LRRC8D: variants seen among roughly 807,000 people sequenced by gnomAD.
LRRC8D encodes leucine rich repeat containing 8 VRAC subunit D, also known as volume-regulated anion channel subunit LRRC8D.
Under a neutral mutation model 55.8 loss-of-function variants are expected in LRRC8D, and 20 were observed. That is an observed-to-expected ratio of 0.36 (90% CI 0.25 to 0.52). The LOEUF (loss-of-function observed/expected upper bound fraction) is 0.52. Ranked by LOEUF, LRRC8D falls within the 20% of genes least tolerant of loss-of-function variation. LRRC8D has a pLI of 0.93. For synonymous variants in LRRC8D, 352 were observed against 377.0 expected (o/e 0.93, Z 0.77); for missense variants, 651 against 1,030.8 (o/e 0.63, Z 5.05).
rs373000600 is a variant in LRRC8D, at chr1:89,863,501, T to C, written c.-3+19719T>C. The stretch of plus-strand genomic sequence containing the variant: ...TGGAATATTAATAAACTTATGTCCC[T>C]CACTTTCAAGATGCTGAAAATGATT... On this transcript the variant is annotated intron_variant, in intron 2 of 2. Transcript: ENST00000337338. 1.1e-4 allele frequency among the ~76,000 whole-genome samples: 16 copies of C among 152,286 alleles called. 1 individual carries two copies. The highest frequency in any genetic ancestry group is 3.9e-4 in the Admixed American group (6 of 15,292).
At chr1:89,860,785 A>AAATATATATAT (rs1553123917) in intron 2 of LRRC8D, among the ~76,000 whole-genome samples, 17 of 28,194 alleles carry the variant, frequency 6.0e-4, no homozygotes, top group Non-Finnish European at 1.2e-3. Flanking sequence ...AAAAAAAAAA[A>AAATATATATAT]ATATATATAT....
At chr1:89,868,673 C>T (rs1312007749) in intron 2 of LRRC8D, among the ~76,000 whole-genome samples, 1 of 152,190 alleles carries the variant, frequency 6.6e-6, no homozygotes, top group Non-Finnish European at 1.5e-5. Context: ...TGATCCTACT[C>T]TTATTCCTGT....
intron 2 of LRRC8D, among the ~76,000 whole-genome samples, chr1:89,852,220 C>G (rs770005110): frequency 3.9e-5 from 6 of 152,166 alleles, no homozygotes; most frequent in African/African-American, 7.2e-5. Context: ...GATTTATTAG[C>G]TATTCTCTTG....
intron 2 of LRRC8D, among the ~76,000 whole-genome samples, chr1:89,868,770 A>G (rs1181606311): frequency 1.3e-5 from 2 of 152,214 alleles, no homozygotes; most frequent in Non-Finnish European, 2.9e-5. Flanking sequence ...GGAGGATTCT[A>G]GGCTTCTGGT....
intron 2 of LRRC8D, among the ~76,000 whole-genome samples, chr1:89,932,612 AGT>A (rs1663740531): frequency 6.6e-6 from 1 of 152,258 alleles, no homozygotes; most frequent in Non-Finnish European, 1.5e-5. Flanking sequence ...ACCATTAGTA[AGT>A]GTTAGAACTA....
At chr1:89,864,800 C>T (rs527396159) in intron 2 of LRRC8D, among the ~76,000 whole-genome samples, 5 of 152,266 alleles carry the variant, frequency 3.3e-5, no homozygotes, top group Admixed American at 6.5e-5. Flanking sequence ...TACCTACCCC[C>T]GACCCCTCAC....
At chr1:89,883,388 T>C (rs139171801) in intron 2 of LRRC8D, among the ~76,000 whole-genome samples, 6 of 152,290 alleles carry the variant, frequency 3.9e-5, no homozygotes, top group Admixed American at 3.9e-4. Flanking sequence ...AATAGGATTT[T>C]ATTTTTGAGA....
At chr1:89,873,538 G>A (rs929968619) in intron 2 of LRRC8D, among the ~76,000 whole-genome samples, 2 of 152,144 alleles carry the variant, frequency 1.3e-5, no homozygotes, top group African/African-American at 4.8e-5. Flanking sequence ...TGTCCAGATG[G>A]ACTGACTATA....
chr1:89,883,880 T>C lies in LRRC8D; in HGVS notation c.-3+40098T>C, dbSNP rs545995402. Among the ~76,000 whole-genome samples, 11 of 152,284 alleles carry C rather than the reference T, an allele frequency of 7.2e-5. No individual in the cohort carries two copies. The South Asian group carries it at 2.3e-3, about 32-fold the overall frequency. On this transcript the variant is annotated intron_variant, in intron 2 of 2. Transcript: ENST00000337338. ...CTGTGAATCTGTCAGTGGAGAAACA[T>C]AGGGACTTTAGAAAAGCTGGGTGCT...
Position 89,934,349 on chromosome 1 carries a change from C to A in LRRC8D, c.1281C>A (p.Asp427Glu). ...AFLLHMVDQYDQLYSKRFGVF... is the reference protein window; with the variant it reads ...AFLLHMVDQYEQLYSKRFGVF... ...TTCTTCACATGGTAGACCAGTATGA[C>A]CAGCTATATTCCAAGCGTTTTGGTG... The change falls in exon 3 of 3, where the codon GAC becomes GAA. Residue 427 changes from aspartate (D) to glutamate (E), a missense_variant. Around this residue, in one of 5 missense-constraint regions of LRRC8D, gnomAD observed 178 missense variants for 374.9 expected, o/e 0.47. Transcript: ENST00000337338. The surrounding 1 kb of genome is among the most constrained non-coding windows in gnomAD (Gnocchi z 5.9). 1.2e-6 allele frequency: 2 copies of A among 1,613,780 alleles called. No individual in the cohort carries two copies. The highest frequency in any genetic ancestry group is 1.7e-6 in the Non-Finnish European group (2 of 1,179,936).
Position 89,904,978 on chromosome 1 carries a change from T to G in LRRC8D, c.-2-28089T>G, listed in dbSNP as rs115860270. On this transcript the variant is annotated intron_variant, in intron 2 of 2. Transcript: ENST00000337338. ...ATTTTTTAGTTGCAGGCAAACGAAT[T>G]TTTACATGGAAGTACTTGATTTTGG... Among the ~76,000 whole-genome samples, 752 of 129,082 alleles carry G rather than the reference T, an allele frequency of 5.8e-3. 5 individuals are homozygous for G. The highest frequency in any genetic ancestry group is 0.018 in the African/African-American group (735 of 39,748). 84.7% of individuals were successfully genotyped at this position (129,082 alleles called of 152,430 possible).
intron 2 of LRRC8D, among the ~76,000 whole-genome samples, chr1:89,870,962 A>G (rs576755293): frequency 3.9e-5 from 6 of 152,368 alleles, no homozygotes; most frequent in African/African-American, 1.4e-4. Context: ...CTACCTAGAC[A>G]TAGAATTCAA....
At chr1:89,897,521 G>A (rs1351068942) in intron 2 of LRRC8D, among the ~76,000 whole-genome samples, 2 of 152,138 alleles carry the variant, frequency 1.3e-5, no homozygotes, top group African/African-American at 4.8e-5. Flanking sequence ...TTCATGTGGT[G>A]TTTAAAAGCA....
chr1:89,919,674 G>A (rs1663361152), intron 2 of LRRC8D, among the ~76,000 whole-genome samples: 1 of 152,162 alleles, frequency 6.6e-6, no homozygotes, highest in Non-Finnish European at 1.5e-5. Context: ...CACTCAGTTT[G>A]GGATGACTTT....
At chr1:89,862,907 G>C (rs1661757617) in intron 2 of LRRC8D, among the ~76,000 whole-genome samples, 1 of 152,170 alleles carries the variant, frequency 6.6e-6, no homozygotes. Context: ...TGATTTCATG[G>C]ATGAGATATT....
chr1:89,869,389 C>T (rs1470285579), intron 2 of LRRC8D, among the ~76,000 whole-genome samples: 2 of 151,972 alleles, frequency 1.3e-5, no homozygotes, highest in Admixed American at 6.6e-5. Context: ...TGAAATAAAG[C>T]GAGAAGACAA....
chr1:89,892,578 G>A (rs970758187), intron 2 of LRRC8D, among the ~76,000 whole-genome samples: 2 of 152,024 alleles, frequency 1.3e-5, no homozygotes, highest in Non-Finnish European at 2.9e-5. Flanking sequence ...GAGTGCAGTG[G>A]CACCATTTCA....
At chr1:89,843,577 C>A in intron 1 of LRRC8D, 61 bp from the exon 2 acceptor site, 1 of 697,260 alleles carries the variant, frequency 1.4e-6, no homozygotes, top group Non-Finnish European at 2.6e-6. Context: ...TGCACTCCTT[C>A]CTCCCCGCTG....
chr1:89,840,445 TAAG>T (rs924834698), intron 1 of LRRC8D, among the ~76,000 whole-genome samples: 5 of 152,150 alleles, frequency 3.3e-5, no homozygotes, highest in Admixed American at 6.5e-5. Context: ...ATATTTTTGA[TAAG>T]GAGGAGGGTT....
Sources: allele counts gnomAD v4.1 joint callset (sites outside exome capture counted in the v4.1 genomes callset), GRCh38; gene constraint gnomAD v4.1.1; regional missense constraint gnomAD v4.1.1; non-coding constraint Gnocchi (gnomAD v3.1); transcripts MANE v1.5; gene names NCBI Gene and HGNC (gene_info 2026-07-23, HGNC 2026-07-21).